TM9SF3: variants seen among roughly 807,000 people sequenced by gnomAD.
TM9SF3 encodes transmembrane 9 superfamily member 3, also known as SM-11044-binding protein.
Under a neutral mutation model 78.6 loss-of-function variants are expected in TM9SF3, and 14 were observed. That is an observed-to-expected ratio of 0.18 (90% CI 0.12 to 0.28). The LOEUF (loss-of-function observed/expected upper bound fraction) is 0.28. Among genes scored for constraint, TM9SF3 ranks in the 10% least tolerant of loss-of-function variants. The pLI, the probability that TM9SF3 is intolerant of heterozygous loss-of-function variation, is 1.00. For missense variants in TM9SF3, 496 were observed against 721.9 expected, an observed-to-expected ratio of 0.69 and a Z score of 3.59; for synonymous variants, 231 against 241.7, an observed-to-expected ratio of 0.96 and a Z score of 0.41.
At position 96,533,171 on chromosome 10, in the gene TM9SF3, C is replaced by A. The variant is rs755819136; in HGVS notation, c.1205G>T (p.Cys402Phe). 3.0e-5 allele frequency: 49 copies of A among 1,613,544 alleles called. No homozygotes were observed. The highest frequency in any genetic ancestry group is 3.8e-5 in the Non-Finnish European group (45 of 1,179,774). ...ATTTAGAGGAAGAATAACAAAAAAA[C>A]AGATGCAACAAACGGCCACCTGTAA... Reference protein sequence around the residue: ...FGTMVAVCCICFFVILPLNLV... With the variant: ...FGTMVAVCCIFFFVILPLNLV... The change falls in exon 10 of 15, where the codon TGT becomes TTT. Residue 402 changes from cysteine to phenylalanine, a missense_variant. By Grantham distance (205) the Cys-to-Phe change is radical. This residue lies in a region of TM9SF3 where 280 missense variants were observed against 422.6 expected (regional missense o/e 0.66). Coordinates refer to ENST00000371142, the MANE Select transcript of TM9SF3 (RefSeq NM_020123.4).
intron 2 of TM9SF3, among the ~76,000 whole-genome samples, chr10:96,565,796 G>T (rs1189652910): frequency 6.6e-6 from 1 of 151,976 alleles, no homozygotes; most frequent in Admixed American, 6.6e-5. Context: ...AAAAGCTCAA[G>T]AATATGGTCA....
At chr10:96,530,340 AC>A (rs1847881815) in intron 11 of TM9SF3, among the ~76,000 whole-genome samples, 199 bp downstream of exon 11, 1 of 152,230 alleles carries the variant, frequency 6.6e-6, no homozygotes, top group African/African-American at 2.4e-5. Context: ...AGAATACAAT[AC>A]AAAAAGGTAT....
At chr10:96,568,144 C>T (rs969667123) in intron 2 of TM9SF3, among the ~76,000 whole-genome samples, 1 of 152,212 alleles carries the variant, frequency 6.6e-6, no homozygotes, top group Non-Finnish European at 1.5e-5. Context: ...TAGACAAATA[C>T]AAACATCACA....
Position 96,586,790 on chromosome 10 carries a change from G to C in TM9SF3, c.46C>G (p.Leu16Val). ...GGCAGCAGCAGCAGCAGCAGCCACA[G>C]CGCGGCGGCCGCCGCCACGCCAAGA... ...GALGVAAAAA[L>V]WLLLLLLPRT... Residue 16 changes from leucine to valine, a missense_variant, in exon 1 of 15, where the codon CTG becomes GTG. By Grantham distance (32) the Leu-to-Val change is conservative (BLOSUM62 1). Coordinates refer to ENST00000371142, the MANE Select transcript of TM9SF3 (RefSeq NM_020123.4). 3 of 1,284,052 alleles carry C rather than the reference G, an allele frequency of 2.3e-6. No homozygotes were observed. Among genetic ancestry groups the C allele is most frequent in the Non-Finnish European group, 2.0e-6 (2 of 1,013,466 alleles). The allele number at this position is 1,284,052 out of a possible 1,614,324, so 79.5% of individuals were successfully genotyped here. A position where few individuals can be genotyped will look rare whatever the true frequency, so the allele number is the denominator to read the frequency against.
chr10:96,586,735 G>A lies in TM9SF3; in HGVS notation c.101C>T (p.Thr34Met). 8.0e-7 allele frequency: 1 copy of A among 1,242,590 alleles called. No individual in the cohort carries two copies. Among genetic ancestry groups the A allele is most frequent in the African/African-American group, 1.6e-5 (1 of 64,006 alleles). The allele number at this position is 1,242,590 out of a possible 1,614,324, so 77.0% of individuals were successfully genotyped here. Residue 34 changes from threonine (T) to methionine (M), a missense_variant and splice_region_variant, in exon 1 of 15, where the codon ACG becomes ATG. Physicochemically the swap from Thr to Met is moderately conservative, Grantham distance 81. Transcript: ENST00000371142. ...GCCGCGCCGGCCGGGGCGCCTCACC[G>A]TGTGTTCGTGCTCGTCCGCCCGGGT... is the stretch of plus-strand genomic sequence containing the variant. The part of the protein sequence containing the change: ...PRTRADEHEH[T>M]YQDKEEVVLW...
chr10:96,580,931 G>A (rs1429097735), intron 1 of TM9SF3, among the ~76,000 whole-genome samples: 1 of 152,148 alleles, frequency 6.6e-6, no homozygotes, highest in East Asian at 1.9e-4. Flanking sequence ...TCAGCATCAA[G>A]TTTAAAAGGT....
chr10:96,586,772 G>A lies in TM9SF3; in HGVS notation c.64C>T (p.Leu22=), dbSNP rs1429568458. 2 of 1,288,184 alleles carry A rather than the reference G, an allele frequency of 1.6e-6. No homozygotes were observed. Among genetic ancestry groups the A allele is most frequent in the Non-Finnish European group, 9.8e-7 (1 of 1,016,626 alleles). 79.8% of individuals were successfully genotyped at this position (1,288,184 alleles called of 1,614,324 possible). The change falls in exon 1 of 15, where the codon CTG becomes TTG. Residue 22 remains leucine, a synonymous_variant. Transcript: ENST00000371142. ...AAAALWLLLL[L]LPRTRADEHE... is the part of the protein sequence containing the mutation. ...TCGTCCGCCCGGGTCCGGGGCAGCA[G>A]CAGCAGCAGCAGCCACAGCGCGGCG...
chr10:96,574,712 G>C (rs1848476992), intron 2 of TM9SF3, among the ~76,000 whole-genome samples: 1 of 152,178 alleles, frequency 6.6e-6, no homozygotes, highest in South Asian at 2.1e-4. Flanking sequence ...AGAAAATGTG[G>C]CACATATATA....
intron 3 of TM9SF3, among the ~76,000 whole-genome samples, chr10:96,564,834 T>C (rs1227304412): frequency 6.6e-6 from 1 of 152,210 alleles, no homozygotes; most frequent in Non-Finnish European, 1.5e-5. Flanking sequence ...TCTCCATTAA[T>C]ATGGATAAAT....
At chr10:96,562,863 T>C (rs1848325866) in intron 3 of TM9SF3, among the ~76,000 whole-genome samples, 1 of 152,222 alleles carries the variant, frequency 6.6e-6, no homozygotes, top group Admixed American at 6.5e-5. Flanking sequence ...TTGTCCAATG[T>C]TCCCCACCCA....
intron 8 of TM9SF3, among the ~76,000 whole-genome samples, chr10:96,546,612 G>A (rs561302351): frequency 1.3e-4 from 20 of 152,134 alleles, no homozygotes; most frequent in Non-Finnish European, 8.8e-5. Context: ...CCACACCTGC[G>A]AGTCGAATTT....
chr10:96,537,542 T>C (rs1299756239), intron 9 of TM9SF3, among the ~76,000 whole-genome samples: 1 of 152,146 alleles, frequency 6.6e-6, no homozygotes, highest in African/African-American at 2.4e-5. Flanking sequence ...GAATTTGAAA[T>C]TTAAAAATGG....
chr10:96,580,827 TC>T (rs1848560411), intron 1 of TM9SF3, among the ~76,000 whole-genome samples: 1 of 152,110 alleles, frequency 6.6e-6, no homozygotes, highest in South Asian at 2.1e-4. Flanking sequence ...ATCTCAAAAT[TC>T]TATAAAATAG....
chr10:96,540,769 CTTTTTT>C (rs68126103), intron 9 of TM9SF3, among the ~76,000 whole-genome samples: 1 of 51,308 alleles, frequency 1.9e-5, no homozygotes, highest in Non-Finnish European at 3.3e-5. Context: ...TATTACCTTT[CTTTTTT>C]TTTTTTTTTT....
At chr10:96,553,115 T>A in intron 5 of TM9SF3, 56 bp from the exon 6 acceptor site, 1 of 1,505,780 alleles carries the variant, frequency 6.6e-7, no homozygotes, top group Admixed American at 2.3e-5. Context: ...ACAAAATTCA[T>A]AGGTTCCATG....
chr10:96,541,810 C>T (rs1378209708), intron 9 of TM9SF3, among the ~76,000 whole-genome samples: 2 of 152,212 alleles, frequency 1.3e-5, no homozygotes, highest in Non-Finnish European at 2.9e-5. Flanking sequence ...TTAGGAGGAT[C>T]TGAAGACTCT....
intron 1 of TM9SF3, among the ~76,000 whole-genome samples, chr10:96,582,538 C>T (rs536411739): frequency 6.6e-6 from 1 of 152,220 alleles, no homozygotes; most frequent in South Asian, 2.1e-4. Context: ...ATAAACATAC[C>T]TTTCACTGAC....
At chr10:96,556,997 C>G (rs958614474) in intron 5 of TM9SF3, among the ~76,000 whole-genome samples, 7 of 152,248 alleles carry the variant, frequency 4.6e-5, no homozygotes, top group Admixed American at 2.0e-4. Flanking sequence ...TCCCCTCCCC[C>G]GCAAAGCCCT....
At chr10:96,539,244 G>A (rs1198979528) in intron 9 of TM9SF3, among the ~76,000 whole-genome samples, 1 of 135,850 alleles carries the variant, frequency 7.4e-6, no homozygotes, top group Non-Finnish European at 1.6e-5. Flanking sequence ...GCCAAGATGG[G>A]TGGATCACCT....
Sources: gnomAD v4.1 joint callset for allele counts (sites outside exome capture counted in the v4.1 genomes callset) on GRCh38, gnomAD v4.1.1 for gene constraint, gnomAD v4.1.1 regional missense constraint, MANE v1.5 for transcripts, NCBI Gene and HGNC (gene_info 2026-07-23, HGNC 2026-07-21) for gene names.